Variants in KLF12 observed in about 807,000 individuals in gnomAD.
The protein encoded by KLF12 is Krueppel-like factor 12.
In KLF12, 9 loss-of-function variants were observed where a neutral mutation model predicts 37.8. The observed-to-expected ratio is 0.24, with a 90% CI of 0.14 to 0.42. The LOEUF is 0.42. KLF12 is among the 10% of genes least tolerant of loss of function. The pLI, the probability that KLF12 is intolerant of heterozygous loss-of-function variation, is 1.00. For synonymous variants in KLF12, 208 were observed against 202.1 expected, an observed-to-expected ratio of 1.03 and a Z score of -0.25; for missense variants, 411 against 516.0, an observed-to-expected ratio of 0.80 and a Z score of 1.97.
At chr13:73,941,026 C>A (rs1890162506) in intron 3 of KLF12, among the ~76,000 whole-genome samples, 1 of 152,202 alleles carries the variant, frequency 6.6e-6, no homozygotes, top group African/African-American at 2.4e-5. Context: ...AGTAGCATAT[C>A]TTTAAAATGC....
chr13:74,211,337 T>G, the KLF12 span, among the ~76,000 whole-genome samples: 1 of 152,088 alleles, frequency 6.6e-6, no homozygotes, highest in Admixed American at 6.6e-5. Context: ...GAAAGGAAAA[T>G]AGCCAACCAT....
intron 3 of KLF12, among the ~76,000 whole-genome samples, chr13:73,860,419 G>C (rs376288758): frequency 3.3e-5 from 5 of 152,032 alleles, no homozygotes; most frequent in African/African-American, 1.2e-4. Context: ...GCTCCCCAAA[G>C]GCCTTACTGG....
intron 3 of KLF12, among the ~76,000 whole-genome samples, chr13:73,904,406 T>A (rs1262886823): frequency 6.6e-6 from 1 of 151,850 alleles, no homozygotes; most frequent in African/African-American, 2.4e-5. Context: ...AATAATGTGC[T>A]ATTTCTTATT....
intron 3 of KLF12, among the ~76,000 whole-genome samples, chr13:73,934,199 G>A (rs1018935779): frequency 2.5e-4 from 38 of 152,168 alleles, no homozygotes; most frequent in African/African-American, 7.5e-4. Flanking sequence ...CCTGACAACT[G>A]TATCTGGTTG....
At chr13:74,018,335 T>C (rs963457388) in intron 1 of KLF12, among the ~76,000 whole-genome samples, 1 of 152,194 alleles carries the variant, frequency 6.6e-6, no homozygotes, top group Non-Finnish European at 1.5e-5. Flanking sequence ...GGTCAAAGAA[T>C]ACATATTTGC....
the KLF12 span, among the ~76,000 whole-genome samples, chr13:74,170,459 C>T: frequency 1.3e-5 from 2 of 152,112 alleles, no homozygotes; most frequent in Non-Finnish European, 2.9e-5. Flanking sequence ...ATATACTATC[C>T]TTCCTCAAAG....
chr13:74,145,213 T>C, the KLF12 span, among the ~76,000 whole-genome samples: 3 of 152,198 alleles, frequency 2.0e-5, no homozygotes, highest in Non-Finnish European at 4.4e-5. Flanking sequence ...GTGACCGTCG[T>C]ATCTTATGGA....
At chr13:73,955,716 A>G (rs769944238) in intron 2 of KLF12, among the ~76,000 whole-genome samples, 1 of 152,250 alleles carries the variant, frequency 6.6e-6, no homozygotes, top group Non-Finnish European at 1.5e-5. Context: ...CGTATTTAAC[A>G]AACAGATTAC....
intron 6 of KLF12, among the ~76,000 whole-genome samples, chr13:73,747,415 C>G (rs1454415711): frequency 1.3e-5 from 2 of 152,154 alleles, no homozygotes; most frequent in Non-Finnish European, 2.9e-5. Context: ...AGGAAAAGGA[C>G]TGAATGAGAA....
chr13:73,868,734 T>G (rs541675122), intron 3 of KLF12, among the ~76,000 whole-genome samples: 11 of 152,280 alleles, frequency 7.2e-5, no homozygotes, highest in Non-Finnish European at 1.5e-4. Flanking sequence ...TCCGATAAAT[T>G]TTTAAATTCT....
chr13:74,178,813 C>A, the KLF12 span, among the ~76,000 whole-genome samples: 5 of 152,174 alleles, frequency 3.3e-5, no homozygotes, highest in African/African-American at 1.2e-4. Context: ...CCTCCCCAGC[C>A]TCAGAGTCTT....
intron 1 of KLF12, among the ~76,000 whole-genome samples, chr13:74,099,816 G>A (rs547853520): frequency 1.0e-4 from 13 of 124,680 alleles, no homozygotes; most frequent in African/African-American, 3.6e-4. Context: ...CTTCAACACA[G>A]GATAAACATT....
At chr13:73,859,986 C>A (rs1241005681) in intron 3 of KLF12, among the ~76,000 whole-genome samples, 1 of 152,082 alleles carries the variant, frequency 6.6e-6, no homozygotes, top group African/African-American at 2.4e-5. Context: ...ATGATGAGTG[C>A]TCTTTGATAA....
chr13:73,755,455 G>T (rs969637399), intron 6 of KLF12, among the ~76,000 whole-genome samples: 49 of 152,270 alleles, frequency 3.2e-4, no homozygotes, highest in African/African-American at 1.1e-3. Context: ...ATTCTCAACT[G>T]TTAGGTTTAG....
At chr13:74,138,344 C>A (rs1424524698), upstream of KLF12, among the ~76,000 whole-genome samples, 2 of 152,066 alleles carry the variant, frequency 1.3e-5, no homozygotes, top group African/African-American at 4.8e-5. Context: ...TTTCCTAAGG[C>A]CGAAAGTGAA....
rs1311080472 is a variant in KLF12 at position 73,689,023 on chromosome 13, T to C, written c.*6467A>G. 4 of 152,106 alleles carry C rather than the reference T, an allele frequency of 2.6e-5. No homozygotes were observed. The highest frequency in any genetic ancestry group is 5.9e-5 in the Non-Finnish European group (4 of 68,018). 9.4% of individuals were successfully genotyped at this position (152,106 alleles called of 1,614,324 possible). On this transcript the variant is annotated 3_prime_UTR_variant, in exon 8 of 8. Coordinates refer to ENST00000377669, the MANE Select transcript of KLF12 (RefSeq NM_007249.5). ...TGTTGTACAGGTTGCAGGTAACGTATCTAAAAATTGCCTAGTCTATTGCTT... is the reference window on the plus strand; with the variant it reads ...TGTTGTACAGGTTGCAGGTAACGTACCTAAAAATTGCCTAGTCTATTGCTT...
the KLF12 span, among the ~76,000 whole-genome samples, chr13:74,279,560 ATTAAGGGCTAAAC>A: frequency 2.7e-5 from 4 of 149,582 alleles, no homozygotes; most frequent in Admixed American, 6.7e-5. Context: ...TGAGGAATAT[ATTAAGGGCTAAAC>A]TTAATTCAGC....
At chr13:73,988,683 C>T (rs1412401228) in intron 2 of KLF12, among the ~76,000 whole-genome samples, 2 of 152,126 alleles carry the variant, frequency 1.3e-5, no homozygotes, top group Admixed American at 1.3e-4. Context: ...CAGAAGCTGC[C>T]ATATAAGAAG....
intron 1 of KLF12, among the ~76,000 whole-genome samples, chr13:74,044,892 G>C (rs1030699233): frequency 1.3e-5 from 2 of 149,152 alleles, no homozygotes; most frequent in African/African-American, 4.9e-5. Context: ...AATGGCCAAA[G>C]CTAAAACAAA....
Sources: allele counts gnomAD v4.1 joint callset (sites outside exome capture counted in the v4.1 genomes callset), GRCh38; gene constraint gnomAD v4.1.1; transcripts MANE v1.5; gene names NCBI Gene and HGNC (gene_info 2026-07-23, HGNC 2026-07-21).